NBAS: variants seen among roughly 807,000 people sequenced by gnomAD.
The protein encoded by NBAS is NBAS subunit of NRZ tethering complex, also known as NAG/BC035112 fusion.
A neutral mutation model predicts 302.5 loss-of-function variants in NBAS; 219 were observed. The ratio of observed to expected loss-of-function variants is 0.72; its 90% confidence interval spans 0.65 to 0.81. The LOEUF (loss-of-function observed/expected upper bound fraction) is 0.81, where lower values mean the gene tolerates loss of function less well. Among genes scored for constraint, NBAS ranks in the 30% least tolerant of loss-of-function variants. The pLI is 0.00. For missense variants in NBAS, 2,932 were observed against 2,841.6 expected, an observed-to-expected ratio of 1.03 and a Z score of -0.72; for synonymous variants, 1,118 against 1,021.6, an observed-to-expected ratio of 1.09 and a Z score of -1.80.
Position 15,379,926 on chromosome 2 carries a change from AACACATCC to A in NBAS, c.3361-103_3361-96del, listed in dbSNP as rs1009091585. 1.2e-4 allele frequency: 137 copies of A among 1,159,762 alleles called. 1 individual carries two copies. The African/African-American group carries it at 2.0e-3, about 17-fold the overall frequency. The allele number at this position is 1,159,762 out of a possible 1,614,324, so 71.8% of individuals were successfully genotyped here. ...TGAAATCCAAATGAAAGAAATTAAA[AACACATCC>A]ACCCTAGAGGTGGTGGCTGCACAGC... On this transcript the variant is annotated intron_variant, in intron 29 of 51. Transcript: ENST00000281513.
chr2:15,400,818 C>T (rs915705930), intron 26 of NBAS, among the ~76,000 whole-genome samples: 2 of 152,160 alleles, frequency 1.3e-5, no homozygotes, highest in Non-Finnish European at 2.9e-5. Context: ...CTAAATGACA[C>T]TAACTGTTTA....
chr2:14,816,640 C>T, the NBAS span, among the ~76,000 whole-genome samples: 4 of 152,120 alleles, frequency 2.6e-5, no homozygotes, highest in Non-Finnish European at 4.4e-5. Context: ...CTTGGCTATC[C>T]GACTACTATT....
the NBAS span, among the ~76,000 whole-genome samples, chr2:14,937,737 G>A: frequency 1.3e-5 from 2 of 152,120 alleles, no homozygotes; most frequent in African/African-American, 4.8e-5. Flanking sequence ...GGGCTCCGAG[G>A]CTTCTTGGAA....
the NBAS span, among the ~76,000 whole-genome samples, chr2:14,922,748 C>G: frequency 2.0e-5 from 3 of 152,174 alleles, no homozygotes; most frequent in Admixed American, 6.5e-5. Flanking sequence ...AGACAGTAGG[C>G]TTTTTAGAAA....
chr2:15,232,585 T>G, intron 46 of NBAS, 74 bp from the exon 47 acceptor site: 1 of 1,389,150 alleles, frequency 7.2e-7, no homozygotes. Context: ...ATTCACACCC[T>G]TAAATGAACC....
chr2:15,195,422 T>G (rs1344057886), intron 48 of NBAS, among the ~76,000 whole-genome samples: 4 of 152,146 alleles, frequency 2.6e-5, no homozygotes, highest in African/African-American at 9.7e-5. Flanking sequence ...TATGACACTC[T>G]GAAATGGGGG....
chr2:14,926,019 A>G, the NBAS span, among the ~76,000 whole-genome samples: 29,934 of 152,124 alleles, frequency 0.2, 3,141 homozygotes, highest in African/African-American at 0.26. Context: ...GCTTCTCCTG[A>G]TCACACCTCT....
chr2:15,195,778 G>A, intron 48 of NBAS, among the ~76,000 whole-genome samples: 1 of 152,148 alleles, frequency 6.6e-6, no homozygotes, highest in Admixed American at 6.5e-5. Context: ...ACACTAAGAG[G>A]CAAAATGGTG....
At chr2:14,941,304 G>A in the NBAS span, among the ~76,000 whole-genome samples, 2 of 152,154 alleles carry the variant, frequency 1.3e-5, no homozygotes, top group African/African-American at 4.8e-5. Flanking sequence ...AGAAAGACAA[G>A]CCTCTTTTCC....
chr2:15,052,875 T>C, the NBAS span, among the ~76,000 whole-genome samples: 11 of 152,278 alleles, frequency 7.2e-5, no homozygotes, highest in South Asian at 4.1e-4. Flanking sequence ...CAAAGTATGA[T>C]AGGGTGAATA....
chr2:15,474,549 T>TTTCTTCTTCTTCTTCTTCTTC (rs57852145), intron 14 of NBAS, among the ~76,000 whole-genome samples: 1 of 147,846 alleles, frequency 6.8e-6, no homozygotes, highest in African/African-American at 2.5e-5. Context: ...AGCCTGTTTT[T>TTTCTTCTTCTTCTTCTTCTTC]TTCTTCTTCT....
the NBAS span, among the ~76,000 whole-genome samples, chr2:15,130,570 A>G: frequency 1.8e-3 from 277 of 152,374 alleles, 2 homozygotes; most frequent in African/African-American, 6.3e-3. Context: ...CAATGAACAC[A>G]GGAGAATATG....
chr2:15,413,152 T>C (rs546278573), intron 25 of NBAS, among the ~76,000 whole-genome samples: 20 of 152,372 alleles, frequency 1.3e-4, no homozygotes, highest in Admixed American at 1.3e-3. Flanking sequence ...ATGTATGTCT[T>C]GAATTGCAGT....
At chr2:15,177,941 T>C (rs1169855910) in intron 51 of NBAS, 1 of 323,494 alleles carries the variant, frequency 3.1e-6, no homozygotes, top group Non-Finnish European at 6.1e-6. Flanking sequence ...TCTAAATGAA[T>C]AAAGGCATTT....
At chr2:15,528,818 G>C (rs1037641999) in intron 9 of NBAS, among the ~76,000 whole-genome samples, 1 of 144,658 alleles carries the variant, frequency 6.9e-6, no homozygotes, top group Non-Finnish European at 1.5e-5. Context: ...AGTGAGCTGA[G>C]ATCTTGCCAT....
intron 10 of NBAS, among the ~76,000 whole-genome samples, chr2:15,508,706 AG>A (rs1661990883): frequency 6.6e-6 from 1 of 152,112 alleles, no homozygotes; most frequent in Non-Finnish European, 1.5e-5. Context: ...ATCATCTGAA[AG>A]CAAGGTGCAG....
intron 47 of NBAS, among the ~76,000 whole-genome samples, chr2:15,228,908 A>T (rs1230534570): frequency 6.6e-6 from 1 of 152,224 alleles, no homozygotes; most frequent in Non-Finnish European, 1.5e-5. Context: ...TTATTTATAT[A>T]GTAGGATGAA....
At chr2:15,247,699 T>TAC (rs1314883768) in intron 44 of NBAS, among the ~76,000 whole-genome samples, 3 of 55,178 alleles carry the variant, frequency 5.4e-5, no homozygotes, top group East Asian at 1.3e-3. Flanking sequence ...TATCTATATA[T>TAC]CTCTCTATAT....
At chr2:15,161,118 G>A in the NBAS span, among the ~76,000 whole-genome samples, 1 of 152,142 alleles carries the variant, frequency 6.6e-6, no homozygotes, top group Non-Finnish European at 1.5e-5. Context: ...GAATCAGAAT[G>A]ATGTGAGTTC....
Sources: gnomAD v4.1 joint callset for allele counts (sites outside exome capture counted in the v4.1 genomes callset) on GRCh38, gnomAD v4.1.1 for gene constraint, MANE v1.5 for transcripts, NCBI Gene and HGNC (gene_info 2026-07-23, HGNC 2026-07-21) for gene names.